The following CAPN1 variants were observed in gnomAD, a reference collection of about 807,000 sequenced individuals.
CAPN1 encodes the protein calpain 1.
A neutral mutation model predicts 105.2 loss-of-function variants in CAPN1; 77 were observed. The ratio of observed to expected loss-of-function variants is 0.73; its 90% CI spans 0.61 to 0.88. The LOEUF (loss-of-function observed/expected upper bound fraction) is 0.88. CAPN1 is among the 40% of genes least tolerant of loss of function. The pLI is 0.00. For synonymous variants in CAPN1, 355 were observed against 388.8 expected (o/e 0.91, Z 1.02); for missense variants, 833 against 976.6 (o/e 0.85, Z 1.96).
At position 65,209,560 on chromosome 11, in the gene CAPN1, GA is replaced by G; in HGVS notation, c.1794+176del. On this transcript the variant is annotated intron_variant, in intron 17 of 21. Transcript: ENST00000279247. The surrounding 1 kb of genome is among the most constrained non-coding windows in gnomAD (Gnocchi z 4.1). ...ACGTCTTCCTGTTGGTTGGGAGGGA[GA>G]AACTGAGGCACAGACCTGTGTCAAG... 1 of 676,530 alleles carries G rather than the reference GA, an allele frequency of 1.5e-6. No individual in the cohort carries two copies. Among genetic ancestry groups the G allele is most frequent in the East Asian group, 2.7e-5 (1 of 36,692 alleles). 41.9% of individuals were successfully genotyped at this position (676,530 alleles called of 1,614,324 possible). A position where few individuals can be genotyped will look rare whatever the true frequency, so the allele number is the denominator to read the frequency against.
chr11:65,203,180 C>T (rs2137376096), intron 10 of CAPN1, among the ~76,000 whole-genome samples: 1 of 137,022 alleles, frequency 7.3e-6, no homozygotes, highest in South Asian at 2.4e-4. Flanking sequence ...ATAAATAATG[C>T]AGCCATTAAC....
chr11:65,186,704 A>G (rs947969027), intron 6 of CAPN1, among the ~76,000 whole-genome samples: 3 of 150,676 alleles, frequency 2.0e-5, no homozygotes, highest in Non-Finnish European at 4.4e-5. Flanking sequence ...TCAATCCCAC[A>G]CTCACTCCAT....
intron 21 of CAPN1, 65 bp from the exon 22 acceptor site, chr11:65,211,195 T>C (rs1405856729): frequency 1.9e-6 from 3 of 1,588,344 alleles, no homozygotes; most frequent in Non-Finnish European, 2.6e-6. Flanking sequence ...GACCTGGGGT[T>C]TGGGTGGGGA....
chr11:65,188,278 C>T lies in CAPN1; in HGVS notation c.930-136C>T, dbSNP rs1948666868. On this transcript the variant is annotated intron_variant, in intron 8 of 21. Transcript: ENST00000279247. This position sits in a 1 kb window ranked among gnomAD's most constrained non-coding sequence, Gnocchi z 5.5. Reference sequence around the variant, plus strand: ...CCCTGATGAGACCACCCCCTAGAAGCGGAACCTTGGCGCTTGACCTTGAGG... The same window carrying T: ...CCCTGATGAGACCACCCCCTAGAAGTGGAACCTTGGCGCTTGACCTTGAGG... 17 of 788,356 alleles carry T rather than the reference C, an allele frequency of 2.2e-5. No individual in the cohort carries two copies. The highest frequency in any genetic ancestry group is 3.5e-5 in the Non-Finnish European group (17 of 491,282). 48.8% of individuals were successfully genotyped at this position (788,356 alleles called of 1,614,324 possible).
In CAPN1 at chr11:65,209,787, C is replaced by G; in HGVS notation, c.1795-62C>G. 1 of 1,533,496 alleles carries G rather than the reference C, an allele frequency of 6.5e-7. No individual in the cohort carries two copies. The highest frequency in any genetic ancestry group is 1.4e-5 in the African/African-American group (1 of 73,446). The allele number at this position is 1,533,496 out of a possible 1,614,324, so 95.0% of individuals were successfully genotyped here. Reference sequence around the variant, plus strand: ...CTCGGCGGCCATCTCCCCTTCTGCACAGTTGCCCACTCTCCCATGACTGGT... The same window carrying G: ...CTCGGCGGCCATCTCCCCTTCTGCAGAGTTGCCCACTCTCCCATGACTGGT... On this transcript the variant is annotated intron_variant, in intron 17 of 21. Transcript: ENST00000279247. This position sits in a 1 kb window ranked among gnomAD's most constrained non-coding sequence, Gnocchi z 4.1.
chr11:65,206,037 G>C (rs978012287), intron 12 of CAPN1: 1 of 526,148 alleles, frequency 1.9e-6, no homozygotes, highest in African/African-American at 1.9e-5. Context: ...GCAATGTCAG[G>C]AGCAGGGCAT....
chr11:65,186,064 G>T lies in CAPN1; in HGVS notation c.590+14G>T. ...GGCCTATGCCAAGTGAGTAGCGGCT[G>T]AGGGGGCAACTCCAGCTTCCAGCTC... On this transcript the variant is annotated intron_variant, in intron 5 of 21. Coordinates refer to ENST00000279247, the MANE Select transcript of CAPN1 (RefSeq NM_005186.4). 6.2e-7 allele frequency: 1 copy of T among 1,610,600 alleles called. No homozygotes were observed. The highest frequency in any genetic ancestry group is 2.2e-5 in the East Asian group (1 of 44,768).
chr11:65,186,070 G>T lies in CAPN1; in HGVS notation c.590+20G>T. 6.2e-7 allele frequency: 1 copy of T among 1,609,550 alleles called. No individual in the cohort carries two copies. Among genetic ancestry groups the T allele is most frequent in the South Asian group, 1.1e-5 (1 of 90,458 alleles). On this transcript the variant is annotated intron_variant, in intron 5 of 21. Coordinates refer to ENST00000279247, the MANE Select transcript of CAPN1 (RefSeq NM_005186.4). ...TGCCAAGTGAGTAGCGGCTGAGGGG[G>T]CAACTCCAGCTTCCAGCTCCCCCTA...
In CAPN1 at chr11:65,210,092, G is replaced by A. The variant is rs756358689; in HGVS notation, c.1938G>A (p.Ser646=). ...SAYEMRMAIE[S]AGFKLNKKLY... ...ACGAGATGCGGATGGCCATTGAGTC[G>A]GCAGGTGAGACTCCAAGGCTGACGG... The change falls in exon 19 of 22, where the codon TCG becomes TCA. Residue 646 remains serine, a synonymous_variant. Transcript: ENST00000279247. This position sits in a 1 kb window ranked among gnomAD's most constrained non-coding sequence, Gnocchi z 4.3. 85 of 1,611,534 alleles carry A rather than the reference G, an allele frequency of 5.3e-5. No homozygotes were observed. The highest frequency in any genetic ancestry group is 2.6e-5 in the Non-Finnish European group (31 of 1,179,170).
intron 10 of CAPN1, among the ~76,000 whole-genome samples, chr11:65,193,877 G>A (rs544963486): frequency 4.0e-5 from 6 of 150,370 alleles, no homozygotes; most frequent in African/African-American, 1.2e-4. Context: ...TTATACGTGT[G>A]TGCCACAGTG....
At chr11:65,205,622 A>T in intron 11 of CAPN1, 88 bp from the exon 12 acceptor site, 1 of 1,331,626 alleles carries the variant, frequency 7.5e-7, no homozygotes, top group Non-Finnish European at 1.1e-6. Context: ...AGTCCCGTCT[A>T]AGAACTCAAG....
rs1949016468 is a variant in CAPN1, at chr11:65,209,785, CA to C, written c.1795-63del. ...GGCTCGGCGGCCATCTCCCCTTCTG[CA>C]CAGTTGCCCACTCTCCCATGACTGG... On this transcript the variant is annotated intron_variant, in intron 17 of 21. Coordinates refer to ENST00000279247, the MANE Select transcript of CAPN1 (RefSeq NM_005186.4). The surrounding 1 kb of genome is among the most constrained non-coding windows in gnomAD (Gnocchi z 4.1). The C allele has an allele frequency of 2.0e-6, 3 of 1,526,110 alleles. No homozygotes were observed. The East Asian group carries it at 7.0e-5, about 35-fold the overall frequency. 94.5% of individuals were successfully genotyped at this position (1,526,110 alleles called of 1,614,324 possible). A position where few individuals can be genotyped will look rare whatever the true frequency, so the allele number is the denominator to read the frequency against.
intron 10 of CAPN1, among the ~76,000 whole-genome samples, chr11:65,195,772 C>T (rs762967912): frequency 1.4e-4 from 21 of 152,154 alleles, no homozygotes; most frequent in Admixed American, 9.8e-4. Flanking sequence ...AGTGTCCCCT[C>T]ATCTTCAGTT....
chr11:65,183,688 C>T (rs963511262), intron 4 of CAPN1, 96 bp downstream of exon 4: 3 of 796,180 alleles, frequency 3.8e-6, no homozygotes, highest in Admixed American at 2.1e-5. Flanking sequence ...CCCTGTGGGG[C>T]CAGCCCTCCC....
chr11:65,198,863 C>T (rs555068107), intron 10 of CAPN1, among the ~76,000 whole-genome samples: 517 of 152,224 alleles, frequency 3.4e-3, no homozygotes, highest in Non-Finnish European at 6.5e-3. Context: ...TTGACGGAGT[C>T]GCGCTCTGTC....
At chr11:65,183,670 G>C (rs1468207470) in intron 4 of CAPN1, 78 bp downstream of exon 4, 1 of 976,504 alleles carries the variant, frequency 1.0e-6, no homozygotes, top group East Asian at 2.5e-5. Context: ...CCTGCAGTTA[G>C]GGCCACACCC....
At chr11:65,186,425 C>T (rs887285084) in intron 6 of CAPN1, 87 bp downstream of exon 6, 24 of 1,194,336 alleles carry the variant, frequency 2.0e-5, no homozygotes, top group East Asian at 5.1e-5. Flanking sequence ...ACCCAGGCTC[C>T]GCTCCAGACC....
At chr11:65,186,583 G>A (rs1384679373) in intron 6 of CAPN1, among the ~76,000 whole-genome samples, 4 of 151,800 alleles carry the variant, frequency 2.6e-5, no homozygotes, top group Non-Finnish European at 4.4e-5. Flanking sequence ...TTGTTTTCCC[G>A]TCTACCATGC....
At chr11:65,207,349 G>A (rs185022059) in intron 14 of CAPN1, among the ~76,000 whole-genome samples, 36 of 151,760 alleles carry the variant, frequency 2.4e-4, no homozygotes, top group South Asian at 2.1e-4. Context: ...ACAGGCGCAC[G>A]TTACCACACC....
Sources: allele counts gnomAD v4.1 joint callset (sites outside exome capture counted in the v4.1 genomes callset), GRCh38; gene constraint gnomAD v4.1.1; non-coding constraint Gnocchi (gnomAD v3.1); transcripts MANE v1.5; gene names NCBI Gene and HGNC (gene_info 2026-07-23, HGNC 2026-07-21).